SPMIP4: variants seen among roughly 807,000 people sequenced by gnomAD.
SPMIP4 encodes sperm microtubule inner protein 4.
chr7:25,174,538 G>A, the SPMIP4 span, among the ~76,000 whole-genome samples: 1 of 152,132 alleles, frequency 6.6e-6, no homozygotes, highest in Non-Finnish European at 1.5e-5. This position sits in a 1 kb window ranked among gnomAD's most constrained non-coding sequence, Gnocchi z 4.5. Flanking sequence ...AGAAAAGCTC[G>A]AGATAAACAT....
the SPMIP4 span, among the ~76,000 whole-genome samples, chr7:25,133,170 A>G: frequency 6.6e-6 from 1 of 152,156 alleles, no homozygotes; most frequent in Non-Finnish European, 1.5e-5. Flanking sequence ...AAAAGGTAAT[A>G]TGCTAGTGTG....
At chr7:25,138,309 G>A in the SPMIP4 span, among the ~76,000 whole-genome samples, 1 of 152,246 alleles carries the variant, frequency 6.6e-6, no homozygotes, top group Admixed American at 6.5e-5. This position sits in a 1 kb window ranked among gnomAD's most constrained non-coding sequence, Gnocchi z 6.2. Context: ...TGTGGACCAT[G>A]TGATCATCAT....
chr7:25,165,196 C>T, the SPMIP4 span, among the ~76,000 whole-genome samples: 2 of 152,212 alleles, frequency 1.3e-5, no homozygotes, highest in Admixed American at 1.3e-4. Flanking sequence ...GTCGCTTCTC[C>T]TATTTTCTGC....
chr7:25,132,943 C>T, the SPMIP4 span, among the ~76,000 whole-genome samples: 2 of 152,230 alleles, frequency 1.3e-5, no homozygotes, highest in African/African-American at 4.8e-5. The surrounding 1 kb of genome is among the most constrained non-coding windows in gnomAD (Gnocchi z 5.0). Context: ...TATAACTACT[C>T]TTACATGTGT....
the SPMIP4 span, among the ~76,000 whole-genome samples, chr7:25,148,494 T>TTTTTTTTTG: frequency 2.9e-5 from 2 of 68,738 alleles, no homozygotes; most frequent in Non-Finnish European, 3.9e-5. Flanking sequence ...TTTTTTTTTT[T>TTTTTTTTTG]GAGACAGAGT....
the SPMIP4 span, among the ~76,000 whole-genome samples, chr7:25,178,279 G>A: frequency 2.6e-5 from 4 of 152,186 alleles, no homozygotes; most frequent in African/African-American, 9.7e-5. Flanking sequence ...ACTTGTGCAT[G>A]TGTCTTTATG....
the SPMIP4 span, among the ~76,000 whole-genome samples, chr7:25,158,879 G>T: frequency 6.6e-6 from 1 of 151,198 alleles, no homozygotes; most frequent in South Asian, 2.1e-4. Flanking sequence ...TAATAATAAT[G>T]ATATACCCCA....
At chr7:25,155,737 A>C in the SPMIP4 span, among the ~76,000 whole-genome samples, 1 of 152,208 alleles carries the variant, frequency 6.6e-6, no homozygotes, top group Non-Finnish European at 1.5e-5. Context: ...TCAAAAAGCC[A>C]AAAACAGCTA....
chr7:25,174,002 T>TTGAC, the SPMIP4 span, among the ~76,000 whole-genome samples: 16 of 152,310 alleles, frequency 1.1e-4, no homozygotes, highest in Middle Eastern at 3.4e-3. The surrounding 1 kb of genome is among the most constrained non-coding windows in gnomAD (Gnocchi z 4.5). Flanking sequence ...AAAATAAAAA[T>TTGAC]TGACATTTTA....
chr7:25,128,218 A>G, the SPMIP4 span, among the ~76,000 whole-genome samples: 2 of 152,192 alleles, frequency 1.3e-5, no homozygotes, highest in African/African-American at 4.8e-5. This position sits in a 1 kb window ranked among gnomAD's most constrained non-coding sequence, Gnocchi z 4.5. Context: ...ACAGTAGCTT[A>G]TGTTTCCTCA....
At chr7:25,132,410 T>C in the SPMIP4 span, among the ~76,000 whole-genome samples, 1 of 152,234 alleles carries the variant, frequency 6.6e-6, no homozygotes. The surrounding 1 kb of genome is among the most constrained non-coding windows in gnomAD (Gnocchi z 5.0). Flanking sequence ...GTATATATCA[T>C]TGACAATGCT....
the SPMIP4 span, among the ~76,000 whole-genome samples, chr7:25,127,800 A>G: frequency 6.6e-6 from 1 of 152,154 alleles, no homozygotes; most frequent in Non-Finnish European, 1.5e-5. Flanking sequence ...TATTGTCTTC[A>G]CAGTCTGGGC....
At chr7:25,139,972 TAA>T in the SPMIP4 span, among the ~76,000 whole-genome samples, 8 of 152,204 alleles carry the variant, frequency 5.3e-5, no homozygotes, top group African/African-American at 1.9e-4. Flanking sequence ...CATAAATATT[TAA>T]GAGTTGATTT....
At chr7:25,135,556 A>T in the SPMIP4 span, 6 of 956,514 alleles carry the variant, frequency 6.3e-6, no homozygotes, top group Non-Finnish European at 7.5e-6. Context: ...CAGTGTTCTC[A>T]TTTTTATTAA....
the SPMIP4 span, chr7:25,135,775 C>A: frequency 1.6e-6 from 2 of 1,269,230 alleles, no homozygotes; most frequent in Non-Finnish European, 9.9e-7. Context: ...AATTGTTAAA[C>A]TTTTCAAGAA....
At chr7:25,165,929 C>T in the SPMIP4 span, among the ~76,000 whole-genome samples, 10 of 152,170 alleles carry the variant, frequency 6.6e-5, no homozygotes, top group Non-Finnish European at 1.0e-4. Context: ...TGGAACACCC[C>T]GCTTCCCAGC....
the SPMIP4 span, chr7:25,168,317 A>G: frequency 6.2e-7 from 1 of 1,606,452 alleles, no homozygotes; most frequent in Non-Finnish European, 8.5e-7. Flanking sequence ...CCAAATCCAT[A>G]ATGCTGATGT....
chr7:25,179,782 G>T, the SPMIP4 span: 1 of 152,678 alleles, frequency 6.5e-6, no homozygotes. Flanking sequence ...GGAGTCAGTA[G>T]TGCAGCACGA....
At chr7:25,135,220 A>G in the SPMIP4 span, 9 of 633,554 alleles carry the variant, frequency 1.4e-5, no homozygotes, top group East Asian at 1.4e-4. Context: ...CTTTCTTGCT[A>G]TAATTAGAAC....
Sources: gnomAD v4.1 joint callset for allele counts (sites outside exome capture counted in the v4.1 genomes callset) on GRCh38, gnomAD v4.1.1 for gene constraint, Gnocchi (gnomAD v3.1) non-coding constraint, MANE v1.5 for transcripts, NCBI Gene and HGNC (gene_info 2026-07-23, HGNC 2026-07-21) for gene names.